The following CIT variants were observed in gnomAD, a reference collection of about 807,000 sequenced individuals.
CIT encodes the protein citron Rho-interacting kinase.
A neutral mutation model predicts 272.7 loss-of-function variants in CIT; 79 were observed. That is an observed-to-expected ratio of 0.29 (90% CI 0.24 to 0.35). The LOEUF is 0.35. CIT is among the 10% of genes least tolerant of loss of function. The pLI is 1.00. For synonymous variants in CIT, 948 were observed against 995.6 expected (o/e 0.95, Z 0.90); for missense variants, 1,909 against 2,618.3 (o/e 0.73, Z 5.91).
At position 119,718,091 on chromosome 12, in the gene CIT, C is replaced by T. The variant is rs1473003256; in HGVS notation, c.4168+154G>A. On this transcript the variant is annotated intron_variant, in intron 32 of 47. Transcript: ENST00000392521. This position sits in a 1 kb window ranked among gnomAD's most constrained non-coding sequence, Gnocchi z 4.8. ...CCAACTTCAGGTGATCCGCCCACCTCGGCCTCCCAAAGTGCTGGGGTTACA... is the reference window on the plus strand; with the variant it reads ...CCAACTTCAGGTGATCCGCCCACCTTGGCCTCCCAAAGTGCTGGGGTTACA... Among the ~76,000 whole-genome samples the T allele has an allele frequency of 5.3e-5, 8 of 152,128 alleles. No individual in the cohort carries two copies. The highest frequency in any genetic ancestry group is 1.9e-4 in the East Asian group (1 of 5,174).
chr12:119,732,725 T>C (rs772848014), intron 26 of CIT, among the ~76,000 whole-genome samples: 10 of 152,254 alleles, frequency 6.6e-5, no homozygotes, highest in Non-Finnish European at 1.5e-4. Flanking sequence ...GAGAGATAGA[T>C]ACCCAAGTGA....
At chr12:119,844,021 CTTT>C (rs113598683) in intron 5 of CIT, among the ~76,000 whole-genome samples, 5 of 134,612 alleles carry the variant, frequency 3.7e-5, no homozygotes, top group Admixed American at 7.6e-5. Context: ...GGTACACACA[CTTT>C]TTTTTTTTTT....
chr12:119,743,680 G>C (rs1378332041), intron 23 of CIT, among the ~76,000 whole-genome samples: 12 of 152,184 alleles, frequency 7.9e-5, no homozygotes, highest in East Asian at 1.9e-4. Context: ...CTAATTTTAT[G>C]TAACATTAAG....
intron 25 of CIT, among the ~76,000 whole-genome samples, 175 bp downstream of exon 25, chr12:119,734,985 A>C (rs1414593692): frequency 6.6e-6 from 1 of 152,000 alleles, no homozygotes; most frequent in Non-Finnish European, 1.5e-5. Context: ...AGAACTACAC[A>C]CTTTTAAAAT....
chr12:119,858,533 C>T (rs549298285), intron 3 of CIT, among the ~76,000 whole-genome samples: 6 of 148,326 alleles, frequency 4.0e-5, no homozygotes, highest in East Asian at 4.0e-4. Context: ...AAAAAAAAGG[C>T]GTGGGGGCCA....
At chr12:119,772,507 C>T (rs1189027936) in intron 17 of CIT, among the ~76,000 whole-genome samples, 1 of 152,176 alleles carries the variant, frequency 6.6e-6, no homozygotes, top group East Asian at 1.9e-4. Context: ...AATCAAAATT[C>T]TCCCAGATTA....
rs1318311508 is a variant in CIT, at chr12:119,698,016, A to C, written c.5662T>G (p.Ser1888Ala). 1 of 1,614,202 alleles carries C rather than the reference A, an allele frequency of 6.2e-7. No homozygotes were observed. The change falls in exon 45 of 48, where the codon TCA becomes GCA. Residue 1888 changes from serine to alanine, a missense_variant. Physicochemically the swap from Ser to Ala is moderately conservative, Grantham distance 99. Transcript: ENST00000392521. ...EPYLFVTHFN[S>A]LEVIEIQARS... The stretch of plus-strand genomic sequence containing the variant: ...GCCTGGATCTCAATTACTTCGAGTG[A>C]GTTGAAGTGGGTCACAAACAGATAG...
At chr12:119,708,806 C>G (rs541605368) in intron 39 of CIT, among the ~76,000 whole-genome samples, 2 of 152,282 alleles carry the variant, frequency 1.3e-5, no homozygotes, top group Admixed American at 1.3e-4. Flanking sequence ...TGATTTAAAT[C>G]TAAGACAATA....
At chr12:119,692,289 A>T (rs937516366) in intron 46 of CIT, among the ~76,000 whole-genome samples, 1 of 152,268 alleles carries the variant, frequency 6.6e-6, no homozygotes, top group African/African-American at 2.4e-5. Flanking sequence ...CTTCTAAAAA[A>T]CTAAAACTAA....
intron 3 of CIT, among the ~76,000 whole-genome samples, chr12:119,858,590 G>T (rs981475537): frequency 6.6e-6 from 1 of 151,922 alleles, no homozygotes; most frequent in Non-Finnish European, 1.5e-5. Context: ...GGAGGCCGAA[G>T]CGGGTGGATC....
chr12:119,730,436 G>A, intron 27 of CIT, 59 bp downstream of exon 27: 1 of 1,529,290 alleles, frequency 6.5e-7, no homozygotes. Flanking sequence ...TATCAAGCGT[G>A]CCTTTAAAAG....
chr12:119,858,269 C>T (rs1360369623), intron 3 of CIT, among the ~76,000 whole-genome samples: 1 of 152,168 alleles, frequency 6.6e-6, no homozygotes, highest in African/African-American at 2.4e-5. Flanking sequence ...GTAATCCCAA[C>T]ACTTTGGGAG....
chr12:119,845,477 A>T (rs1304553492), intron 5 of CIT, among the ~76,000 whole-genome samples: 1 of 151,628 alleles, frequency 6.6e-6, no homozygotes, highest in Admixed American at 6.6e-5. Flanking sequence ...ACATGGTGAA[A>T]CCCTGTCTCT....
intron 4 of CIT, among the ~76,000 whole-genome samples, chr12:119,855,688 G>C (rs1349762490): frequency 1.3e-5 from 2 of 152,092 alleles, no homozygotes; most frequent in Non-Finnish European, 1.5e-5. Flanking sequence ...GGCGGCTTTA[G>C]TTAGCGCCTG....
At chr12:119,815,111 C>CACACACACACA (rs1300232452) in intron 9 of CIT, among the ~76,000 whole-genome samples, 1 of 20,950 alleles carries the variant, frequency 4.8e-5, no homozygotes, top group East Asian at 2.8e-3. Flanking sequence ...ACACAACACA[C>CACACACACACA]ACACACACAC....
intron 28 of CIT, among the ~76,000 whole-genome samples, chr12:119,723,525 G>A (rs906630015): frequency 6.6e-6 from 1 of 152,104 alleles, no homozygotes; most frequent in Non-Finnish European, 1.5e-5. Flanking sequence ...GGCTGAAAGG[G>A]GGATCTTAGC....
At chr12:119,731,475 C>CAAA (rs34429031) in intron 26 of CIT, among the ~76,000 whole-genome samples, 64 of 108,020 alleles carry the variant, frequency 5.9e-4, no homozygotes, top group South Asian at 3.8e-3. Context: ...ACTCCATTCT[C>CAAA]AAAAAAAAAA....
intron 13 of CIT, among the ~76,000 whole-genome samples, chr12:119,779,277 G>C (rs1964071535): frequency 6.6e-6 from 1 of 151,958 alleles, no homozygotes; most frequent in African/African-American, 2.4e-5. Flanking sequence ...ATGTGAAATG[G>C]AATATCGGTT....
At chr12:119,695,267 C>A (rs1158200419) in intron 46 of CIT, among the ~76,000 whole-genome samples, 2 of 152,154 alleles carry the variant, frequency 1.3e-5, no homozygotes, top group Admixed American at 1.3e-4. Flanking sequence ...TGAAAACCAG[C>A]AGTCTAGTAG....
Sources: allele counts gnomAD v4.1 joint callset (sites outside exome capture counted in the v4.1 genomes callset), GRCh38; gene constraint gnomAD v4.1.1; non-coding constraint Gnocchi (gnomAD v3.1); transcripts MANE v1.5; gene names NCBI Gene and HGNC (gene_info 2026-07-23, HGNC 2026-07-21).